ZFHX4: variants seen among roughly 807,000 people sequenced by gnomAD.
ZFHX4 encodes zinc finger homeobox protein 4.
Under a neutral mutation model 267.6 loss-of-function variants are expected in ZFHX4, and 56 were observed. The observed-to-expected ratio is 0.21, with a 90% CI of 0.17 to 0.26. ZFHX4 has a LOEUF of 0.26. Among genes scored for constraint, ZFHX4 ranks in the 10% least tolerant of loss-of-function variants. The pLI is 1.00. For synonymous variants in ZFHX4, 1,778 were observed against 1,665.6 expected, an observed-to-expected ratio of 1.07 and a Z score of -1.64; for missense variants, 4,332 against 4,420.0, an observed-to-expected ratio of 0.98 and a Z score of 0.56.
At chr8:76,856,626 C>T (rs1363259565) in intron 10 of ZFHX4, among the ~76,000 whole-genome samples, 3 of 152,020 alleles carry the variant, frequency 2.0e-5, no homozygotes, top group Non-Finnish European at 4.4e-5. Context: ...TTCCAGCACT[C>T]ACATGTGGCT....
At chr8:76,755,148 A>G (rs1054960176) in intron 3 of ZFHX4, among the ~76,000 whole-genome samples, 1 of 152,174 alleles carries the variant, frequency 6.6e-6, no homozygotes, top group African/African-American at 2.4e-5. Context: ...AATGAATTGT[A>G]TGTTCACATA....
intron 4 of ZFHX4, among the ~76,000 whole-genome samples, chr8:76,804,759 G>A (rs1811204640): frequency 6.6e-6 from 1 of 152,104 alleles, no homozygotes; most frequent in Non-Finnish European, 1.5e-5. Context: ...CCATCCACTG[G>A]GAGGTTTAAA....
At chr8:76,748,884 C>T (rs1388019004) in intron 3 of ZFHX4, among the ~76,000 whole-genome samples, 2 of 152,122 alleles carry the variant, frequency 1.3e-5, no homozygotes, top group African/African-American at 2.4e-5. Flanking sequence ...AAATCCCAGT[C>T]GTTCCCCATT....
intron 4 of ZFHX4, among the ~76,000 whole-genome samples, chr8:76,796,816 G>T (rs1810990752): frequency 6.6e-6 from 1 of 152,162 alleles, no homozygotes; most frequent in Non-Finnish European, 1.5e-5. Flanking sequence ...AATACAGGCT[G>T]TTTTACCACA....
chr8:76,822,398 T>A (rs1266537958), intron 4 of ZFHX4, among the ~76,000 whole-genome samples: 2 of 151,962 alleles, frequency 1.3e-5, no homozygotes, highest in Non-Finnish European at 2.9e-5. Context: ...GATTCCAAGG[T>A]TTTTTTCCTT....
At chr8:76,736,392 A>G (rs1809161807) in intron 3 of ZFHX4, among the ~76,000 whole-genome samples, 1 of 152,144 alleles carries the variant, frequency 6.6e-6, no homozygotes, top group Non-Finnish European at 1.5e-5. Context: ...TGTTCTTAAT[A>G]AACTTTTCCT....
intron 4 of ZFHX4, among the ~76,000 whole-genome samples, chr8:76,799,527 G>A (rs190544493): frequency 6.6e-6 from 1 of 152,252 alleles, no homozygotes; most frequent in East Asian, 1.9e-4. Context: ...AATTTTGAAC[G>A]AGCCAATAGA....
At chr8:76,682,117 C>T (rs1434540002) in intron 1 of ZFHX4, among the ~76,000 whole-genome samples, 1 of 152,170 alleles carries the variant, frequency 6.6e-6, no homozygotes, top group Non-Finnish European at 1.5e-5. Flanking sequence ...TCTCCGCTCG[C>T]CCCGCGCCCC....
Position 76,854,230 on chromosome 8 carries a change from G to A in ZFHX4, c.7309G>A (p.Asp2437Asn). The A allele has an allele frequency of 6.4e-7, 1 of 1,566,584 alleles. No homozygotes were observed. The highest frequency in any genetic ancestry group is 8.7e-7 in the Non-Finnish European group (1 of 1,155,942). ...CCTGCCATTAGCATCGACTTCCTCG[G>A]ACCCACCACAGGCATCCACAGCCCA... is the stretch of plus-strand genomic sequence containing the variant. ...PALPLASTSS[D>N]PPQASTAQPQ... The change falls in exon 10 of 11, where the codon GAC (aspartate) becomes AAC (asparagine). Residue 2437 changes from aspartate to asparagine, a missense_variant. By Grantham distance (23) the Asp-to-Asn change is conservative. Transcript: ENST00000651372.
intron 3 of ZFHX4, among the ~76,000 whole-genome samples, chr8:76,740,040 G>T (rs1809274303): frequency 6.6e-6 from 1 of 152,126 alleles, no homozygotes; most frequent in African/African-American, 2.4e-5. Flanking sequence ...AATATAAGTT[G>T]ATATTAGACC....
intron 1 of ZFHX4, chr8:76,683,360 A>C: frequency 2.8e-5 from 2 of 70,800 alleles, no homozygotes; most frequent in African/African-American, 5.8e-5. Context: ...CCCCCCTTCC[A>C]AAAAAAGCAC....
chr8:76,847,921 C>T (rs182202127), intron 6 of ZFHX4, among the ~76,000 whole-genome samples: 51 of 152,072 alleles, frequency 3.4e-4, no homozygotes, highest in Admixed American at 2.2e-3. Flanking sequence ...TATATATTTA[C>T]GTGGGGTCTG....
intron 4 of ZFHX4, among the ~76,000 whole-genome samples, chr8:76,826,032 G>C (rs1283061667): frequency 6.6e-6 from 1 of 152,192 alleles, no homozygotes; most frequent in East Asian, 1.9e-4. Flanking sequence ...ATGAGGAAAA[G>C]AAGCTTAATT....
At chr8:76,758,174 A>G (rs1809813664) in intron 3 of ZFHX4, among the ~76,000 whole-genome samples, 1 of 152,098 alleles carries the variant, frequency 6.6e-6, no homozygotes, top group Admixed American at 6.5e-5. Context: ...ATGGCACAAT[A>G]TGGTAAGTGG....
At chr8:76,754,289 A>T (rs926379476) in intron 3 of ZFHX4, among the ~76,000 whole-genome samples, 2 of 152,062 alleles carry the variant, frequency 1.3e-5, no homozygotes, top group Non-Finnish European at 2.9e-5. Flanking sequence ...GGAGTTTGAG[A>T]CCAGCCTGGC....
At position 76,704,478 on chromosome 8, in the gene ZFHX4, G is replaced by A; in HGVS notation, c.390G>A (p.Glu130=). 6.2e-7 allele frequency: 1 copy of A among 1,613,984 alleles called. No individual in the cohort carries two copies. Among genetic ancestry groups the A allele is most frequent in the South Asian group, 1.1e-5 (1 of 91,080 alleles). ...EDSDVENLTG[E]IVYQPDGSAY... is the part of the protein sequence containing the mutation. Reference sequence around the variant, plus strand: ...GTGACGTGGAAAATCTAACAGGGGAGATCGTTTACCAGCCTGATGGGTCAG... The same window carrying A: ...GTGACGTGGAAAATCTAACAGGGGAAATCGTTTACCAGCCTGATGGGTCAG... Residue 130 remains glutamate (E), a synonymous_variant, in exon 2 of 11, where the codon GAG becomes GAA. Coordinates refer to ENST00000651372, the MANE Select transcript of ZFHX4 (RefSeq NM_024721.5).
chr8:76,800,624 G>A (rs893496829), intron 4 of ZFHX4, among the ~76,000 whole-genome samples: 2 of 152,160 alleles, frequency 1.3e-5, no homozygotes, highest in Admixed American at 1.3e-4. Context: ...TGCCTTGTCA[G>A]TTTAATTGCT....
In ZFHX4 at chr8:76,863,950, T is replaced by C. The variant is rs1390108031; in HGVS notation, c.10236T>C (p.Phe3412=). 1 of 1,607,830 alleles carries C rather than the reference T, an allele frequency of 6.2e-7. No homozygotes were observed. The highest frequency in any genetic ancestry group is 2.2e-5 in the East Asian group (1 of 44,640). Reference sequence around the variant, plus strand: ...TATGCAGAAAGTGCCAGATGATGTTTACTGATGAAGACGCCGCAGTAAATC... The same window carrying C: ...TATGCAGAAAGTGCCAGATGATGTTCACTGATGAAGACGCCGCAGTAAATC... The part of the protein sequence containing the change: ...EFICRKCQMM[F]TDEDAAVNHQ... Residue 3412 remains phenylalanine (F), a synonymous_variant, in exon 11 of 11, where the codon TTT becomes TTC. Transcript: ENST00000651372.
chr8:76,759,669 TTTA>T (rs1175020904), intron 3 of ZFHX4, among the ~76,000 whole-genome samples: 1 of 152,218 alleles, frequency 6.6e-6, no homozygotes, highest in African/African-American at 2.4e-5. Flanking sequence ...AATGATTAGA[TTTA>T]TTATTATAAC....
Sources: gnomAD v4.1 joint callset for allele counts (sites outside exome capture counted in the v4.1 genomes callset) on GRCh38, gnomAD v4.1.1 for gene constraint, MANE v1.5 for transcripts, NCBI Gene and HGNC (gene_info 2026-07-23, HGNC 2026-07-21) for gene names.